The following SDHA variants were observed in gnomAD, a reference collection of about 807,000 sequenced individuals.
SDHA encodes the protein succinate dehydrogenase complex flavoprotein subunit A.
SDHA carries 48 observed loss-of-function variants against 78.4 expected under a neutral mutation model. The observed-to-expected ratio is 0.61, with a 90% CI of 0.49 to 0.78. The LOEUF is 0.78. Among genes scored for constraint, SDHA ranks in the 30% least tolerant of loss-of-function variants. The pLI is 0.00. For missense variants in SDHA, 680 were observed against 892.7 expected, an observed-to-expected ratio of 0.76 and a Z score of 3.04; for synonymous variants, 326 against 353.9, an observed-to-expected ratio of 0.92 and a Z score of 0.88.
At chr5:241,537 G>C (rs1383818658) in intron 11 of SDHA, among the ~76,000 whole-genome samples, 1 of 152,182 alleles carries the variant, frequency 6.6e-6, no homozygotes, top group African/African-American at 2.4e-5. Context: ...CCGAGTGTTT[G>C]CCATCCAGTA....
At chr5:232,486 C>A (rs142890603) in intron 7 of SDHA, among the ~76,000 whole-genome samples, 2,009 of 152,220 alleles carry the variant, frequency 0.013, 30 homozygotes, top group Non-Finnish European at 0.018. Context: ...CCCTCAGGGT[C>A]CTGGGATTAT....
At chr5:249,378 A>C in intron 11 of SDHA, 1 of 184,876 alleles carries the variant, frequency 5.4e-6, no homozygotes. Context: ...AACTGGCCAT[A>C]AACAAAATCT....
the SDHA span, among the ~76,000 whole-genome samples, chr5:267,870 ATC>A: frequency 1.3e-5 from 2 of 152,166 alleles, no homozygotes; most frequent in Admixed American, 6.5e-5. Flanking sequence ...GTGGGAGATG[ATC>A]TCTCTTTTTG....
At position 225,414 on chromosome 5, in the gene SDHA, T is replaced by G. The variant is rs1060503705; in HGVS notation, c.313-5T>G. The G allele has an allele frequency of 1.9e-6, 3 of 1,612,092 alleles. No homozygotes were observed. The highest frequency in any genetic ancestry group is 4.5e-5 in the East Asian group (2 of 44,894). ...TGGCTTGTAAGGAGTGGTTGGTGTT[T>G]CCAGGGAGGAATCAATGCTGCTCTG... On this transcript the variant is annotated splice_region_variant and splice_polypyrimidine_tract_variant and intron_variant, in intron 3 of 14. Transcript: ENST00000264932.
At chr5:251,748 A>G in intron 13 of SDHA, 1 of 1,393,434 alleles carries the variant, frequency 7.2e-7, no homozygotes, top group Non-Finnish European at 9.5e-7. Flanking sequence ...AAGTGCAGCT[A>G]GAGTGGCAAG....
At position 257,059 on chromosome 5, in the gene SDHA, G is replaced by A. The variant is rs112343653; in HGVS notation, c.*639G>A. Among the ~76,000 whole-genome samples, 36,381 of 151,726 alleles carry A rather than the reference G, an allele frequency of 0.24. 6,777 individuals carry two copies. The highest frequency in any genetic ancestry group is 0.52 in the African/African-American group (21,609 of 41,224). ...TCCCTCCTTGGCCTCCCAAGGTGCT[G>A]GAATTATAGGTGTGAACAAACCACC... On this transcript the variant is annotated 3_prime_UTR_variant, in exon 15 of 15. Transcript: ENST00000264932.
chr5:225,270 C>T (rs191643386), intron 3 of SDHA, 149 bp from the exon 4 acceptor site: 105 of 956,294 alleles, frequency 1.1e-4, no homozygotes, highest in East Asian at 4.6e-4. Flanking sequence ...TGTCGGGTCT[C>T]GCTGCTCCTC....
intron 14 of SDHA, among the ~76,000 whole-genome samples, chr5:255,072 A>AG (rs1277220491): frequency 8.3e-6 from 1 of 120,006 alleles, no homozygotes; most frequent in African/African-American, 4.4e-5. Flanking sequence ...AGGGTGTGGT[A>AG]GGGGGTCGCA....
chr5:236,319 T>G (rs1301400293), intron 9 of SDHA, 109 bp from the exon 10 acceptor site: 21 of 1,154,312 alleles, frequency 1.8e-5, no homozygotes, highest in Admixed American at 8.8e-5. Context: ...CCACCACGCC[T>G]GGCCTACTTC....
intron 5 of SDHA, among the ~76,000 whole-genome samples, chr5:226,461 G>C (rs1735033409): frequency 6.6e-6 from 1 of 151,966 alleles, no homozygotes; most frequent in South Asian, 2.1e-4. Flanking sequence ...GCAAGACCCT[G>C]TCTCTACAAA....
chr5:239,305 G>A (rs1312138430), intron 10 of SDHA, among the ~76,000 whole-genome samples: 8 of 91,336 alleles, frequency 8.8e-5, no homozygotes, highest in Admixed American at 2.2e-4. Context: ...TGGCTCACAC[G>A]TGATCCCAGC....
chr5:266,723 G>A, the SDHA span, among the ~76,000 whole-genome samples: 4 of 130,600 alleles, frequency 3.1e-5, no homozygotes, highest in Non-Finnish European at 6.3e-5. Flanking sequence ...CTGTGTCTAA[G>A]ACAGTCAGAC....
At chr5:218,808 C>T (rs1197810331) in intron 1 of SDHA, among the ~76,000 whole-genome samples, 1 of 152,140 alleles carries the variant, frequency 6.6e-6, no homozygotes, top group Non-Finnish European at 1.5e-5. Context: ...GGATAGCGGC[C>T]GGTGGCCGCC....
At chr5:230,387 G>T (rs1387420986) in intron 6 of SDHA, among the ~76,000 whole-genome samples, 1 of 152,192 alleles carries the variant, frequency 6.6e-6, no homozygotes, top group African/African-American at 2.4e-5. Flanking sequence ...GGCACTTTGG[G>T]AGGCCAAAGT....
the SDHA span, among the ~76,000 whole-genome samples, chr5:262,303 TGAGCTCCGCCTCCCGTCAGAG>T: frequency 3.7e-5 from 4 of 107,982 alleles, no homozygotes; most frequent in African/African-American, 1.3e-4. Flanking sequence ...CATTACCGTG[TGAGCTCCGCCTCCCGTCAGAG>T]CATTACCGTG....
At chr5:265,841 C>A in the SDHA span, among the ~76,000 whole-genome samples, 1 of 136,730 alleles carries the variant, frequency 7.3e-6, no homozygotes, top group African/African-American at 3.4e-5. Flanking sequence ...AAAGAGTTGT[C>A]AAATTGCCAC....
intron 7 of SDHA, 120 bp from the exon 8 acceptor site, chr5:233,357 A>G: frequency 9.5e-7 from 1 of 1,057,334 alleles, no homozygotes; most frequent in Non-Finnish European, 1.4e-6. Flanking sequence ...GCAGTTTTGC[A>G]CATAATGCCT....
intron 11 of SDHA, among the ~76,000 whole-genome samples, chr5:248,464 A>G (rs1431931392): frequency 2.6e-5 from 4 of 152,254 alleles, no homozygotes; most frequent in East Asian, 1.9e-4. Context: ...TCCTTCAACA[A>G]GGGCTGACAC....
At chr5:244,712 C>T (rs1290288800) in intron 11 of SDHA, among the ~76,000 whole-genome samples, 1 of 152,186 alleles carries the variant, frequency 6.6e-6, no homozygotes, top group African/African-American at 2.4e-5. Context: ...TTGGTAAAGC[C>T]CCTGAAGTAT....
Sources: allele counts gnomAD v4.1 joint callset (sites outside exome capture counted in the v4.1 genomes callset), GRCh38; gene constraint gnomAD v4.1.1; transcripts MANE v1.5; gene names NCBI Gene and HGNC (gene_info 2026-07-23, HGNC 2026-07-21).